LPP: variants seen among roughly 807,000 people sequenced by gnomAD.
LPP encodes the protein LIM domain containing preferred translocation partner in lipoma.
In LPP, 38 loss-of-function variants were observed where a neutral mutation model predicts 60.4. The observed-to-expected ratio is 0.63, with a 90% CI of 0.49 to 0.83. LPP has a LOEUF of 0.83. Among genes scored for constraint, LPP ranks in the 40% least tolerant of loss-of-function variants. The pLI, the probability that LPP is intolerant of heterozygous loss-of-function variation, is 0.00. For missense variants in LPP, 902 were observed against 783.6 expected (o/e 1.15, Z -1.80); for synonymous variants, 328 against 290.8 (o/e 1.13, Z -1.30).
chr3:188,382,703 G>A (rs1320924065), intron 3 of LPP, among the ~76,000 whole-genome samples: 1 of 152,122 alleles, frequency 6.6e-6, no homozygotes, highest in South Asian at 2.1e-4. Context: ...AATGTACAGG[G>A]CTAATTATGG....
chr3:188,520,714 C>T lies in LPP; in HGVS notation c.307-3951C>T, dbSNP rs1018338316. On this transcript the variant is annotated intron_variant, in intron 5 of 11. Coordinates refer to ENST00000617246, the MANE Select transcript of LPP (RefSeq NM_001375462.1). ...TTTCTTGGCAGAACACAGACTAAGA[C>T]GATGTAATCTTTGAAATCTCTCTAG... Among the ~76,000 whole-genome samples, 5 of 152,104 alleles carry T rather than the reference C, an allele frequency of 3.3e-5. No individual in the cohort carries two copies. The East Asian group carries it at 5.8e-4, about 18-fold the overall frequency.
chr3:188,159,973 C>T (rs879938537), intron 1 of LPP, among the ~76,000 whole-genome samples: 5 of 152,148 alleles, frequency 3.3e-5, no homozygotes, highest in Admixed American at 6.5e-5. Context: ...AGTGCAGTGG[C>T]GCAATCTTGG....
chr3:188,410,063 C>G (rs571916318), intron 4 of LPP, among the ~76,000 whole-genome samples: 1 of 152,152 alleles, frequency 6.6e-6, no homozygotes, highest in South Asian at 2.1e-4. Flanking sequence ...TGTATATGCA[C>G]CTGTCTTCTC....
intron 7 of LPP, among the ~76,000 whole-genome samples, chr3:188,670,961 G>T (rs1470342446): frequency 6.6e-6 from 1 of 152,074 alleles, no homozygotes; most frequent in Non-Finnish European, 1.5e-5. Context: ...GCAGTTATAG[G>T]TTTCTAACCC....
chr3:188,701,999 G>T (rs1397546569), intron 7 of LPP, among the ~76,000 whole-genome samples: 1 of 128,060 alleles, frequency 7.8e-6, no homozygotes, highest in Non-Finnish European at 1.6e-5. Context: ...GCCCAGGCTG[G>T]AATGCAATGA....
intron 3 of LPP, among the ~76,000 whole-genome samples, chr3:188,372,721 T>C (rs1773653948): frequency 6.6e-6 from 1 of 151,840 alleles, no homozygotes; most frequent in Non-Finnish European, 1.5e-5. Context: ...TTTATTATTA[T>C]TATACTTTAA....
At chr3:188,164,100 C>T (rs2148727089) in intron 1 of LPP, among the ~76,000 whole-genome samples, 1 of 152,072 alleles carries the variant, frequency 6.6e-6, no homozygotes, top group African/African-American at 2.4e-5. Flanking sequence ...TAAGAGAGTG[C>T]CGTGGGAGAG....
chr3:188,656,891 G>T (rs1028861512), intron 7 of LPP, among the ~76,000 whole-genome samples: 3 of 152,132 alleles, frequency 2.0e-5, no homozygotes, highest in African/African-American at 4.8e-5. Flanking sequence ...ACAGTCACAG[G>T]ACTAGTAAAT....
At chr3:188,183,380 A>G (rs1282771022) in intron 1 of LPP, among the ~76,000 whole-genome samples, 1 of 152,146 alleles carries the variant, frequency 6.6e-6, no homozygotes, top group Non-Finnish European at 1.5e-5. Flanking sequence ...GTCTTCCTTT[A>G]TCTTTGTAGA....
intron 3 of LPP, among the ~76,000 whole-genome samples, chr3:188,389,317 A>G (rs982362327): frequency 1.3e-5 from 2 of 152,162 alleles, no homozygotes; most frequent in Non-Finnish European, 2.9e-5. Flanking sequence ...TTTGCTTCAG[A>G]ACTAGAACTT....
At chr3:188,513,891 G>A (rs927366701) in intron 5 of LPP, among the ~76,000 whole-genome samples, 2 of 152,144 alleles carry the variant, frequency 1.3e-5, no homozygotes, top group Non-Finnish European at 2.9e-5. Flanking sequence ...CTTTTGAACA[G>A]CAAAGATAGT....
At chr3:188,286,465 C>T (rs1222131233) in intron 2 of LPP, among the ~76,000 whole-genome samples, 2 of 152,182 alleles carry the variant, frequency 1.3e-5, no homozygotes, top group Non-Finnish European at 2.9e-5. Context: ...AAAGTCCTCT[C>T]GGATCCTCTA....
chr3:188,238,783 G>A (rs2149423826), intron 2 of LPP, among the ~76,000 whole-genome samples: 1 of 152,266 alleles, frequency 6.6e-6, no homozygotes, highest in East Asian at 1.9e-4. Flanking sequence ...GAAACATTGT[G>A]ATAGTTACCA....
intron 9 of LPP, among the ~76,000 whole-genome samples, chr3:188,862,716 A>AAAAT (rs1168674491): frequency 1.1e-4 from 12 of 104,764 alleles, no homozygotes; most frequent in Admixed American, 3.6e-4. Flanking sequence ...ACTAGACAAA[A>AAAAT]AAATAAATAA....
At chr3:188,753,965 A>G (rs542731898) in intron 8 of LPP, among the ~76,000 whole-genome samples, 2 of 151,918 alleles carry the variant, frequency 1.3e-5, no homozygotes, top group East Asian at 1.9e-4. Context: ...TATGATAAAA[A>G]CTCTTGTATT....
At position 188,179,433 on chromosome 3, in the gene LPP, T is replaced by C. The variant is rs1334304177; in HGVS notation, c.-190+25181T>C. ...GCTTGGAGGGCCACCTGACATTCTG[T>C]CCTTTGGGTCCCCTGTGACTCCAGA... On this transcript the variant is annotated intron_variant, in intron 1 of 11. Transcript: ENST00000617246. 1.5e-5 allele frequency: 7 copies of C among 457,756 alleles called. No individual in the cohort carries two copies. The Admixed American group carries it at 1.6e-4, about 11-fold the overall frequency. 28.4% of individuals were successfully genotyped at this position (457,756 alleles called of 1,614,324 possible). A position where few individuals can be genotyped will look rare whatever the true frequency, so the allele number is the denominator to read the frequency against.
At chr3:188,669,994 A>G (rs1343726287) in intron 7 of LPP, among the ~76,000 whole-genome samples, 1 of 152,190 alleles carries the variant, frequency 6.6e-6, no homozygotes, top group African/African-American at 2.4e-5. Flanking sequence ...TGAGCAAACT[A>G]TCACTAGGAC....
At chr3:188,342,106 C>T (rs190407376) in intron 3 of LPP, among the ~76,000 whole-genome samples, 166 of 152,198 alleles carry the variant, frequency 1.1e-3, no homozygotes, top group Admixed American at 1.4e-3. Flanking sequence ...CTTGATTGAG[C>T]GCATTTTTGA....
intron 6 of LPP, among the ~76,000 whole-genome samples, chr3:188,578,013 A>G (rs1835167781): frequency 6.6e-6 from 1 of 152,070 alleles, no homozygotes; most frequent in African/African-American, 2.4e-5. Context: ...CTACAGTAGA[A>G]AAAGAGATGA....
Sources: gnomAD v4.1 joint callset for allele counts (sites outside exome capture counted in the v4.1 genomes callset) on GRCh38, gnomAD v4.1.1 for gene constraint, MANE v1.5 for transcripts, NCBI Gene and HGNC (gene_info 2026-07-23, HGNC 2026-07-21) for gene names.